The following IL1R2 variants were observed in gnomAD, a reference collection of about 807,000 sequenced individuals.
IL1R2 encodes the protein interleukin-1 receptor type 2.
A neutral mutation model predicts 39.5 loss-of-function variants in IL1R2; 46 were observed. That is an observed-to-expected ratio of 1.16 (90% confidence interval 0.92 to 1.49). The LOEUF (loss-of-function observed/expected upper bound fraction) is 1.49. Among genes scored for constraint, IL1R2 ranks in the 40% most tolerant of loss-of-function variants. IL1R2 has a pLI of 0.00. For missense variants in IL1R2, 537 were observed against 502.0 expected (o/e 1.07, Z -0.67); for synonymous variants, 207 against 189.6 (o/e 1.09, Z -0.75).
At chr2:101,996,485 G>GTTTTTT (rs11382814) in intron 1 of IL1R2, among the ~76,000 whole-genome samples, 1,516 of 82,276 alleles carry the variant, frequency 0.018, 17 homozygotes, top group South Asian at 0.042. Flanking sequence ...TGTTTTCAGT[G>GTTTTTT]TTTTTTTTTT....
intron 1 of IL1R2, among the ~76,000 whole-genome samples, chr2:101,992,376 G>A (rs181729659): frequency 1.1e-4 from 17 of 151,848 alleles, no homozygotes; most frequent in Admixed American, 1.0e-3. Context: ...CAGAGGCAGA[G>A]AGACAGAGAC....
chr2:102,028,417 A>G lies in IL1R2; in HGVS notation c.*25A>G. 2 of 1,555,016 alleles carry G rather than the reference A, an allele frequency of 1.3e-6. No homozygotes were observed. Among genetic ancestry groups the G allele is most frequent in the Non-Finnish European group, 1.8e-6 (2 of 1,142,046 alleles). On this transcript the variant is annotated 3_prime_UTR_variant, in exon 9 of 9. Coordinates refer to ENST00000332549, the MANE Select transcript of IL1R2 (RefSeq NM_004633.4). ...AAATAAATGGAATGAAATAATTCAA[A>G]CACAAACTCCGTACGTCTTCTCTTA...
chr2:102,002,150 T>C (rs1675894077), intron 1 of IL1R2: 1 of 152,268 alleles, frequency 6.6e-6, no homozygotes, highest in Non-Finnish European at 1.5e-5. Flanking sequence ...TCTGGAGCTA[T>C]CGTTTACTTA....
intron 1 of IL1R2, among the ~76,000 whole-genome samples, chr2:101,996,201 G>A (rs1400062633): frequency 2.0e-5 from 3 of 152,244 alleles, no homozygotes; most frequent in Middle Eastern, 3.4e-3. Flanking sequence ...AGGGAGGGAC[G>A]CAGGATTTCA....
chr2:101,992,655 G>A (rs1675404140), intron 1 of IL1R2, among the ~76,000 whole-genome samples: 1 of 149,432 alleles, frequency 6.7e-6, no homozygotes, highest in Non-Finnish European at 1.5e-5. Context: ...AGACAGAGAT[G>A]GGGAGAGACA....
At chr2:102,015,800 G>C (rs1676959173) in intron 3 of IL1R2, 71 bp from the exon 4 acceptor site, 14 of 1,209,372 alleles carry the variant, frequency 1.2e-5, no homozygotes, top group Non-Finnish European at 1.6e-5. Context: ...TTGGGGAAAT[G>C]ATGCTTAATT....
At chr2:102,022,315 G>T (rs1003457521) in intron 6 of IL1R2, 66 bp downstream of exon 6, 2 of 1,362,086 alleles carry the variant, frequency 1.5e-6, no homozygotes, top group Non-Finnish European at 1.1e-6. Context: ...AATGCAGGGG[G>T]CTTGGGACCC....
chr2:102,015,424 G>C (rs1676933406), intron 3 of IL1R2, among the ~76,000 whole-genome samples: 1 of 152,172 alleles, frequency 6.6e-6, no homozygotes, highest in Admixed American at 6.5e-5. Context: ...CAATATAGAT[G>C]TTCCTCGACT....
At chr2:102,025,188 G>A (rs1417379692) in intron 7 of IL1R2, among the ~76,000 whole-genome samples, 3 of 152,148 alleles carry the variant, frequency 2.0e-5, no homozygotes, top group Admixed American at 1.3e-4. Flanking sequence ...TCTGAGACTC[G>A]AACAATCAGA....
At chr2:102,011,251 A>AC (rs906955474) in intron 3 of IL1R2, among the ~76,000 whole-genome samples, 4 of 152,130 alleles carry the variant, frequency 2.6e-5, no homozygotes, top group African/African-American at 9.7e-5. Context: ...CTGGGTATAG[A>AC]CCCCAAAGAG....
At chr2:102,004,272 A>G (rs1676124102) in intron 1 of IL1R2, among the ~76,000 whole-genome samples, 1 of 152,140 alleles carries the variant, frequency 6.6e-6, no homozygotes, top group Non-Finnish European at 1.5e-5. Context: ...GAAGCTGCAG[A>G]CACCTGGGAA....
At chr2:101,993,938 C>G (rs1245669448) in intron 1 of IL1R2, among the ~76,000 whole-genome samples, 1 of 152,200 alleles carries the variant, frequency 6.6e-6, no homozygotes, top group South Asian at 2.1e-4. Flanking sequence ...TTTCTGCACT[C>G]CATCCCACCT....
At chr2:101,998,573 T>A (rs1259429542) in intron 1 of IL1R2, among the ~76,000 whole-genome samples, 1 of 152,250 alleles carries the variant, frequency 6.6e-6, no homozygotes, top group Non-Finnish European at 1.5e-5. Context: ...GTGATTCTTC[T>A]GCTCCATGTG....
At chr2:102,003,754 C>T (rs1676072203) in intron 1 of IL1R2, among the ~76,000 whole-genome samples, 2 of 151,504 alleles carry the variant, frequency 1.3e-5, no homozygotes, top group East Asian at 2.0e-4. Flanking sequence ...GTGTCTGTGT[C>T]TGTGTCTAGG....
intron 5 of IL1R2, 165 bp from the exon 6 acceptor site, chr2:102,022,022 C>G (rs1321965368): frequency 3.2e-6 from 2 of 631,496 alleles, no homozygotes; most frequent in Non-Finnish European, 5.7e-6. Context: ...CAAGGATGCT[C>G]GATTTTGTAG....
intron 6 of IL1R2, 90 bp from the exon 7 acceptor site, chr2:102,024,443 A>G: frequency 1.1e-6 from 1 of 882,400 alleles, no homozygotes; most frequent in Admixed American, 1.9e-5. Flanking sequence ...GGGGTGTTTG[A>G]GAAGCCGAGG....
chr2:102,025,973 A>T (rs1465986229), intron 7 of IL1R2, 138 bp from the exon 8 acceptor site: 1 of 638,370 alleles, frequency 1.6e-6, no homozygotes, highest in African/African-American at 1.8e-5. Context: ...TGGTGGCAAG[A>T]GCTCCTAACT....
At chr2:102,024,490 G>GTGC in intron 6 of IL1R2, 43 bp from the exon 7 acceptor site, 1 of 1,470,102 alleles carries the variant, frequency 6.8e-7, no homozygotes. Context: ...TGGGTGGGAG[G>GTGC]TGCTGGTTCT....
At chr2:102,004,492 CA>C (rs34596104) in intron 1 of IL1R2, among the ~76,000 whole-genome samples, 13,469 of 99,254 alleles carry the variant, frequency 0.14, 1,756 homozygotes, top group African/African-American at 0.37. Flanking sequence ...GGTTATTTGA[CA>C]AAAAAAAAAA....
Sources: gnomAD v4.1 joint callset for allele counts (sites outside exome capture counted in the v4.1 genomes callset) on GRCh38, gnomAD v4.1.1 for gene constraint, MANE v1.5 for transcripts, NCBI Gene and HGNC (gene_info 2026-07-23, HGNC 2026-07-21) for gene names.